The following ANKFY1 variants were observed in gnomAD, a reference collection of about 807,000 sequenced individuals.
The protein encoded by ANKFY1 is ankyrin repeat and FYVE domain-containing protein 1.
In ANKFY1, 47 loss-of-function variants were observed where a neutral mutation model predicts 128.3. The observed-to-expected ratio is 0.37, with a 90% confidence interval of 0.29 to 0.47. The LOEUF is 0.47. Among genes scored for constraint, ANKFY1 ranks in the 20% least tolerant of loss-of-function variants. The pLI, the probability that ANKFY1 is intolerant of heterozygous loss-of-function variation, is 1.00. For missense variants in ANKFY1, 1,222 were observed against 1,510.6 expected (o/e 0.81, Z 3.17); for synonymous variants, 553 against 601.6 (o/e 0.92, Z 1.18).
In ANKFY1 at chr17:4,166,923, G is replaced by A. The variant is rs2059221453; in HGVS notation, c.*856C>T. Reference sequence around the variant, plus strand: ...TAGAATCACTGATGCAGGGATGTGTGAGGGTATTTTTGAATATGGATTTTT... The same window carrying A: ...TAGAATCACTGATGCAGGGATGTGTAAGGGTATTTTTGAATATGGATTTTT... On this transcript the variant is annotated 3_prime_UTR_variant, in exon 25 of 25. Coordinates refer to ENST00000341657, the MANE Select transcript of ANKFY1 (RefSeq NM_001330063.2). The A allele has an allele frequency of 6.6e-6, 1 of 152,644 alleles. No individual in the cohort carries two copies. The highest frequency in any genetic ancestry group is 6.5e-5 in the Admixed American group (1 of 15,286). 9.5% of individuals were successfully genotyped at this position (152,644 alleles called of 1,614,324 possible).
chr17:4,225,367 GT>G (rs1490210863), intron 3 of ANKFY1, among the ~76,000 whole-genome samples: 2 of 151,872 alleles, frequency 1.3e-5, no homozygotes, highest in Non-Finnish European at 2.9e-5. Context: ...AAAAAGAAAA[GT>G]TTTTGCTTCA....
At chr17:4,237,088 A>T (rs1259727700) in intron 2 of ANKFY1, among the ~76,000 whole-genome samples, 3 of 152,120 alleles carry the variant, frequency 2.0e-5, no homozygotes, top group Non-Finnish European at 2.9e-5. Context: ...GTGAGCCGAG[A>T]TCGCGCTACT....
intron 1 of ANKFY1, among the ~76,000 whole-genome samples, chr17:4,246,413 A>G (rs1230483575): frequency 1.3e-5 from 2 of 152,182 alleles, no homozygotes; most frequent in African/African-American, 2.4e-5. Context: ...AATACAAATA[A>G]TTATGAGCCC....
intron 3 of ANKFY1, chr17:4,222,360 C>T: frequency 1.3e-6 from 1 of 770,146 alleles, no homozygotes. Flanking sequence ...TTATTCACTA[C>T]GCTCTGTCCT....
intron 7 of ANKFY1, among the ~76,000 whole-genome samples, chr17:4,197,990 G>A (rs1158879876): frequency 6.6e-6 from 1 of 152,114 alleles, no homozygotes; most frequent in Admixed American, 6.5e-5. Context: ...CTAGCCGGGC[G>A]TGGTGGTGCA....
chr17:4,259,120 T>C lies in ANKFY1; in HGVS notation c.10+4812A>G, dbSNP rs76566189. ...AGGCTCTTCCTGCAACTGAGAAATA[T>C]CCTAGGATTCCCACAGCTACTTGTG... On this transcript the variant is annotated intron_variant, in intron 1 of 24. Transcript: ENST00000341657. 5.3e-3 allele frequency among the ~76,000 whole-genome samples: 813 copies of C among 152,208 alleles called. 5 individuals are homozygous for C. The highest frequency in any genetic ancestry group is 0.018 in the African/African-American group (764 of 41,524).
At chr17:4,189,165 C>A (rs571326207) in intron 11 of ANKFY1, among the ~76,000 whole-genome samples, 1 of 152,212 alleles carries the variant, frequency 6.6e-6, no homozygotes, top group Non-Finnish European at 1.5e-5. Flanking sequence ...CTGTTTCCTA[C>A]ACAAACGCTT....
At chr17:4,263,467 C>CA in intron 1 of ANKFY1, 2 of 1,128,362 alleles carry the variant, frequency 1.8e-6, no homozygotes, top group South Asian at 1.5e-5. Flanking sequence ...GCCTCGCCCC[C>CA]ACCCCACCCC....
chr17:4,215,470 G>A (rs538589632), intron 4 of ANKFY1, among the ~76,000 whole-genome samples: 75 of 152,062 alleles, frequency 4.9e-4, no homozygotes, highest in Middle Eastern at 3.4e-3. Flanking sequence ...ACACTGAACC[G>A]CACCCGTCGC....
At chr17:4,227,248 G>A (rs1365317995) in intron 3 of ANKFY1, among the ~76,000 whole-genome samples, 2 of 151,956 alleles carry the variant, frequency 1.3e-5, no homozygotes, top group Non-Finnish European at 2.9e-5. Flanking sequence ...AAATCTGATA[G>A]AGACATTAAA....
intron 5 of ANKFY1, among the ~76,000 whole-genome samples, chr17:4,208,859 G>C (rs138002377): frequency 6.6e-6 from 1 of 152,250 alleles, no homozygotes; most frequent in Non-Finnish European, 1.5e-5. Context: ...GGGAGTTTGA[G>C]ACCAGCCTGA....
At chr17:4,251,723 A>G (rs1967842101) in intron 1 of ANKFY1, among the ~76,000 whole-genome samples, 1 of 152,108 alleles carries the variant, frequency 6.6e-6, no homozygotes, top group Admixed American at 6.6e-5. Context: ...CAAGCCACAG[A>G]CTGGGAGAAA....
chr17:4,217,133 AGAGAACAACT>A lies in ANKFY1; in HGVS notation c.323-25_323-16del. 6.2e-7 allele frequency: 1 copy of A among 1,605,188 alleles called. No individual in the cohort carries two copies. Among genetic ancestry groups the A allele is most frequent in the Non-Finnish European group, 8.5e-7 (1 of 1,173,902 alleles). ...AGGATTAGCATCTGGTTAAAGAAAG[AGAGAACAACT>A]GAAAAAGCATAGAATGACATGCTTA... On this transcript the variant is annotated splice_polypyrimidine_tract_variant and intron_variant, in intron 3 of 24. Coordinates refer to ENST00000341657, the MANE Select transcript of ANKFY1 (RefSeq NM_001330063.2).
chr17:4,256,581 T>A lies in ANKFY1; in HGVS notation c.10+7351A>T, dbSNP rs2143549082. 1.3e-5 allele frequency among the ~76,000 whole-genome samples: 2 copies of A among 150,576 alleles called. 1 individual carries two copies. The highest frequency in any genetic ancestry group is 3.9e-4 in the East Asian group (2 of 5,126). ...TGACTGATGCAGATCTTGGGGGGAG[T>A]CGGAGATAACTTTTTGGTGACTGAC... On this transcript the variant is annotated intron_variant, in intron 1 of 24. Coordinates refer to ENST00000341657, the MANE Select transcript of ANKFY1 (RefSeq NM_001330063.2).
At chr17:4,230,650 G>T (rs938192192) in intron 3 of ANKFY1, among the ~76,000 whole-genome samples, 8 of 151,734 alleles carry the variant, frequency 5.3e-5, no homozygotes, top group Non-Finnish European at 8.8e-5. Context: ...TTTTATTAGG[G>T]TTTAACAGAC....
Position 4,181,479 on chromosome 17 carries a change from T to TA in ANKFY1, c.2122-108dup. 1.4e-6 allele frequency: 1 copy of TA among 732,186 alleles called. No individual in the cohort carries two copies. Among genetic ancestry groups the TA allele is most frequent in the Non-Finnish European group, 2.4e-6 (1 of 414,722 alleles). 45.4% of individuals were successfully genotyped at this position (732,186 alleles called of 1,614,324 possible). A position where few individuals can be genotyped will look rare whatever the true frequency, so the allele number is the denominator to read the frequency against. On this transcript the variant is annotated intron_variant, in intron 15 of 24. Transcript: ENST00000341657. The surrounding 1 kb of genome is among the most constrained non-coding windows in gnomAD (Gnocchi z 4.9). ...GCATTAAATCCACTTTCAGATAAGA[T>TA]ACGGTTGATAATAAATTGATAATTA...
intron 22 of ANKFY1, among the ~76,000 whole-genome samples, chr17:4,172,184 C>G (rs997546265): frequency 5.5e-4 from 84 of 152,318 alleles, no homozygotes; most frequent in African/African-American, 1.9e-3. Flanking sequence ...GACACATGAT[C>G]TAGCACATTT....
At chr17:4,233,595 A>G (rs1567965730) in intron 3 of ANKFY1, among the ~76,000 whole-genome samples, 1 of 152,216 alleles carries the variant, frequency 6.6e-6, no homozygotes, top group Non-Finnish European at 1.5e-5. Flanking sequence ...AAACACTGAT[A>G]TATGTTCCCC....
chr17:4,231,948 A>AG (rs1005072841), intron 3 of ANKFY1, among the ~76,000 whole-genome samples: 10 of 152,038 alleles, frequency 6.6e-5, no homozygotes, highest in South Asian at 2.1e-4. Flanking sequence ...AAAAAAAAAA[A>AG]AAAGAAAGAA....
Sources: allele counts gnomAD v4.1 joint callset (sites outside exome capture counted in the v4.1 genomes callset), GRCh38; gene constraint gnomAD v4.1.1; non-coding constraint Gnocchi (gnomAD v3.1); transcripts MANE v1.5; gene names NCBI Gene and HGNC (gene_info 2026-07-23, HGNC 2026-07-21).